Variants in BCOR observed in about 807,000 individuals in gnomAD.
BCOR encodes BCL6 corepressor, also known as BCL-6 corepressor.
A neutral mutation model predicts 86.7 loss-of-function variants in BCOR; 10 were observed. The observed-to-expected ratio is 0.12, with a 90% CI of 0.07 to 0.20. The LOEUF is 0.20. BCOR is among the 10% of genes least tolerant of loss of function. The pLI is 1.00. For missense variants in BCOR, 1,259 were observed against 1,452.1 expected (o/e 0.87, Z 2.16); for synonymous variants, 611 against 609.0 (o/e 1.00, Z -0.05).
intron 6 of BCOR, among the ~76,000 whole-genome samples, chrX:40,065,322 G>A (rs1326779851): frequency 9.8e-5 from 11 of 112,809 alleles, no homozygotes; most frequent in Middle Eastern, 9.2e-3. Flanking sequence ...CAAAAAACTC[G>A]ATTTGCTGGA....
intron 8 of BCOR, 33 bp downstream of exon 8, chrX:40,063,575 G>A (rs370373788): frequency 2.0e-5 from 23 of 1,129,149 alleles, no homozygotes; most frequent in South Asian, 5.5e-5. Flanking sequence ...CTCCAGGAGC[G>A]GGGTGAACAC....
chrX:40,107,737 G>C (rs1937218960), intron 1 of BCOR, among the ~76,000 whole-genome samples: 1 of 113,303 alleles, frequency 8.8e-6, no homozygotes, highest in Non-Finnish European at 1.9e-5. Context: ...GAGCCGGCGC[G>C]GGCCCTGGGG....
rs781463608 is a variant in BCOR at position 40,071,174 on chromosome X, G to A, written c.3052-15C>T. ...ATCATTGCACGCTAGAAAGAGAACG[G>A]AGATGGAAAAAAAAAAAAACAACAC... On this transcript the variant is annotated splice_polypyrimidine_tract_variant and intron_variant, in intron 5 of 14. Transcript: ENST00000378444. 1.4e-5 allele frequency: 16 copies of A among 1,155,460 alleles called. No homozygotes were observed. The highest frequency in any genetic ancestry group is 1.9e-5 in the Non-Finnish European group (16 of 864,300).
intron 1 of BCOR, among the ~76,000 whole-genome samples, chrX:40,110,629 ATTTTCTTTTC>A (rs1279398092): frequency 2.0e-5 from 1 of 50,865 alleles, no homozygotes; most frequent in Non-Finnish European, 3.7e-5. Flanking sequence ...ACAATCAACC[ATTTTCTTTTC>A]TTTTCTTTTT....
intron 1 of BCOR, among the ~76,000 whole-genome samples, chrX:40,106,536 G>A (rs1275908203): frequency 1.0e-5 from 1 of 100,309 alleles, no homozygotes; most frequent in Non-Finnish European, 2.1e-5. Flanking sequence ...CCCCTCCCCC[G>A]CCCGCGCTCC....
At chrX:40,112,992 A>G (rs1385372910) in intron 1 of BCOR, among the ~76,000 whole-genome samples, 1 of 104,198 alleles carries the variant, frequency 9.6e-6, no homozygotes, top group Admixed American at 1.1e-4. Context: ...CCACTGGCAA[A>G]GCTAACCCAT....
intron 1 of BCOR, among the ~76,000 whole-genome samples, chrX:40,110,733 G>A (rs201084705): frequency 9.4e-5 from 3 of 31,853 alleles, no homozygotes; most frequent in Non-Finnish European, 1.9e-4. Context: ...TTTTTGAGAC[G>A]GAGTCTCACT....
At chrX:40,082,152 G>A (rs1445995355) in intron 1 of BCOR, among the ~76,000 whole-genome samples, 2 of 111,908 alleles carry the variant, frequency 1.8e-5, no homozygotes, top group African/African-American at 6.5e-5. Context: ...TGGCATCCCT[G>A]AGTAGGGACA....
chrX:40,174,673 A>G (rs2148039255), intron 1 of BCOR, among the ~76,000 whole-genome samples: 1 of 112,441 alleles, frequency 8.9e-6, no homozygotes, highest in African/African-American at 3.2e-5. Flanking sequence ...AACTAAAATA[A>G]TTCCTCTCTT....
At chrX:40,097,080 G>A (rs1936918897) in intron 1 of BCOR, 135 bp downstream of exon 1, 1 of 112,923 alleles carries the variant, frequency 8.9e-6, no homozygotes, top group Non-Finnish European at 1.9e-5. Context: ...CAGCCAAAGG[G>A]AAGCGCGAGG....
At chrX:40,061,371 G>T (rs1934858993) in intron 10 of BCOR, among the ~76,000 whole-genome samples, 1 of 111,351 alleles carries the variant, frequency 9.0e-6, no homozygotes, top group Non-Finnish European at 1.9e-5. Flanking sequence ...CAGGCTGCTG[G>T]ATTATTATCT....
chrX:40,159,118 T>C (rs905078266), intron 1 of BCOR, among the ~76,000 whole-genome samples: 1 of 112,009 alleles, frequency 8.9e-6, no homozygotes, highest in Non-Finnish European at 1.9e-5. Context: ...ATACTGAATA[T>C]TTCCACGGTT....
intron 1 of BCOR, among the ~76,000 whole-genome samples, chrX:40,104,072 C>G (rs903392749): frequency 9.0e-6 from 1 of 111,560 alleles, no homozygotes; most frequent in African/African-American, 3.3e-5. Context: ...CAGGCTTTCT[C>G]GCGGGGGGCA....
chrX:40,062,654 G>A, intron 9 of BCOR, 92 bp downstream of exon 9: 1 of 926,787 alleles, frequency 1.1e-6, no homozygotes, highest in East Asian at 3.4e-5. Context: ...AGGAGTCCAG[G>A]AAAAGGAAAG....
chrX:40,096,617 C>T (rs1337472713), intron 1 of BCOR, among the ~76,000 whole-genome samples: 1 of 111,444 alleles, frequency 9.0e-6, no homozygotes, highest in Non-Finnish European at 1.9e-5. Context: ...GAGCTCGGCT[C>T]GGCCCGAGGC....
At chrX:40,160,912 C>G (rs1766194510) in intron 1 of BCOR, among the ~76,000 whole-genome samples, 2 of 105,773 alleles carry the variant, frequency 1.9e-5, no homozygotes, top group African/African-American at 6.9e-5. Context: ...TGAGCTCAGG[C>G]AATCTGCCCA....
intron 1 of BCOR, among the ~76,000 whole-genome samples, chrX:40,135,048 A>C (rs750854334): frequency 9.0e-6 from 1 of 111,555 alleles, no homozygotes; most frequent in African/African-American, 3.3e-5. Flanking sequence ...AGAGACACTT[A>C]GGAATCCCCC....
intron 1 of BCOR, among the ~76,000 whole-genome samples, chrX:40,125,937 C>T (rs1937533026): frequency 9.0e-6 from 1 of 111,068 alleles, no homozygotes; most frequent in Admixed American, 9.6e-5. Context: ...GTCGGCCAGG[C>T]GCGGTGGCTC....
At chrX:40,141,768 A>T (rs768516020) in intron 1 of BCOR, among the ~76,000 whole-genome samples, 1 of 111,168 alleles carries the variant, frequency 9.0e-6, no homozygotes. Context: ...CAACAAAGTC[A>T]GGCCCTCCAA....
Sources: gnomAD v4.1 joint callset for allele counts (sites outside exome capture counted in the v4.1 genomes callset) on GRCh38, gnomAD v4.1.1 for gene constraint, MANE v1.5 for transcripts, NCBI Gene and HGNC (gene_info 2026-07-23, HGNC 2026-07-21) for gene names.